The following RUBCN variants were observed in gnomAD, a reference collection of about 807,000 sequenced individuals.
The protein encoded by RUBCN is rubicon autophagy regulator, also known as run domain Beclin-1-interacting and cysteine-rich domain-containing protein.
RUBCN carries 74 observed loss-of-function variants against 113.2 expected under a neutral mutation model. The observed-to-expected ratio is 0.65, with a 90% CI of 0.54 to 0.79. The LOEUF (loss-of-function observed/expected upper bound fraction) is 0.79, where lower values mean the gene tolerates loss of function less well. Among genes scored for constraint, RUBCN ranks in the 30% least tolerant of loss-of-function variants. The pLI is 0.00. For synonymous variants in RUBCN, 480 were observed against 490.0 expected (o/e 0.98, Z 0.27); for missense variants, 1,109 against 1,251.7 (o/e 0.89, Z 1.72).
At chr3:197,701,967 G>T in intron 5 of RUBCN, 103 bp from the exon 6 acceptor site, 1 of 1,059,896 alleles carries the variant, frequency 9.4e-7, no homozygotes, top group Non-Finnish European at 1.4e-6. Flanking sequence ...AGCTACCTTT[G>T]CAGTAGGCCT....
chr3:197,702,406 T>C (rs1560436830), intron 5 of RUBCN, among the ~76,000 whole-genome samples: 1 of 152,240 alleles, frequency 6.6e-6, no homozygotes, highest in African/African-American at 2.4e-5. Flanking sequence ...CTCACACCTG[T>C]AATCCCAGCA....
chr3:197,712,861 CT>C (rs10662950), intron 2 of RUBCN, among the ~76,000 whole-genome samples: 98 of 146,784 alleles, frequency 6.7e-4, no homozygotes, highest in East Asian at 5.1e-3. Flanking sequence ...GATATTATCA[CT>C]TTTTTTTTTT....
chr3:197,700,561 T>C lies in RUBCN; in HGVS notation c.1261+52A>G, dbSNP rs543909773. 60 of 1,590,414 alleles carry C rather than the reference T, an allele frequency of 3.8e-5. 1 individual carries two copies. The Middle Eastern group carries it at 6.7e-4, about 18-fold the overall frequency. On this transcript the variant is annotated intron_variant, in intron 7 of 19. Coordinates refer to ENST00000296343, the MANE Select transcript of RUBCN (RefSeq NM_014687.4). ...AAAGTCCCCATAACAAGCCCTCTCTTACTCTCAATTCAGGGTCATCTTGCT... is the reference window on the plus strand; with the variant it reads ...AAAGTCCCCATAACAAGCCCTCTCTCACTCTCAATTCAGGGTCATCTTGCT...
chr3:197,680,573 T>C (rs537792469), intron 16 of RUBCN, among the ~76,000 whole-genome samples: 73 of 152,338 alleles, frequency 4.8e-4, no homozygotes, highest in Non-Finnish European at 9.6e-4. Context: ...AACTGACAAC[T>C]GGCTTCAGAC....
intron 16 of RUBCN, among the ~76,000 whole-genome samples, chr3:197,679,562 A>C (rs1202595074): frequency 1.4e-5 from 2 of 144,428 alleles, no homozygotes; most frequent in African/African-American, 5.3e-5. Context: ...AACTGGCTCC[A>C]GACTGTCCTA....
upstream of RUBCN, among the ~76,000 whole-genome samples, chr3:197,740,476 A>G (rs1728481989): frequency 2.6e-5 from 4 of 152,174 alleles, no homozygotes; most frequent in Admixed American, 1.3e-4. Flanking sequence ...CTTAAAAAAA[A>G]AGAAAAAGAA....
Position 197,701,012 on chromosome 3 carries a change from G to T in RUBCN, c.862C>A (p.Pro288Thr), listed in dbSNP as rs746852818. The T allele has an allele frequency of 8.1e-6, 13 of 1,614,068 alleles. No homozygotes were observed. Among genetic ancestry groups the T allele is most frequent in the Middle Eastern group, 3.3e-4 (2 of 6,084 alleles). The change falls in exon 7 of 20, where the codon CCT becomes ACT. Residue 288 changes from proline (P) to threonine (T), a missense_variant. Physicochemically the swap from Pro to Thr is conservative, Grantham distance 38. Transcript: ENST00000296343. The stretch of plus-strand genomic sequence containing the variant: ...GAGCTCATTTCATTTGGGGTCAAAG[G>T]GGAATCCCTGGCTAGTGCAGAGACT... ...VSVSALARDS[P>T]LTPNEMSSST...
chr3:197,729,897 T>A (rs28613953), intron 1 of RUBCN, among the ~76,000 whole-genome samples: 16,846 of 151,324 alleles, frequency 0.11, 1,151 homozygotes, highest in African/African-American at 0.18. Context: ...TATAGTAGCT[T>A]TGTTTCTGAA....
In RUBCN at chr3:197,700,839, A is replaced by G. The variant is rs980029998; in HGVS notation, c.1035T>C (p.Asn345=). 5.6e-6 allele frequency: 9 copies of G among 1,614,022 alleles called. No homozygotes were observed. The highest frequency in any genetic ancestry group is 7.6e-6 in the Non-Finnish European group (9 of 1,180,032). ...ACAAATTGGAACTGCTGCTCTCGGC[A>G]TTGCTGCTGTGACTCTGACAGCTGG... ...RTASCQSHSS[N]AESSSSNLFS... Residue 345 remains asparagine, a synonymous_variant, in exon 7 of 20, where the codon AAT becomes AAC. Transcript: ENST00000296343.
chr3:197,705,833 T>C (rs1724241528), intron 2 of RUBCN, among the ~76,000 whole-genome samples: 2 of 152,084 alleles, frequency 1.3e-5, no homozygotes, highest in African/African-American at 2.4e-5. Flanking sequence ...GCTGAGGCGA[T>C]TCTCATGCCT....
intron 2 of RUBCN, among the ~76,000 whole-genome samples, chr3:197,715,300 AAAAAAG>A (rs1454192044): frequency 5.0e-4 from 76 of 151,726 alleles, no homozygotes; most frequent in African/African-American, 1.8e-3. Context: ...GAAAAAAAAA[AAAAAAG>A]AAAAAGAAAA....
At chr3:197,700,530 A>G in intron 7 of RUBCN, 83 bp downstream of exon 7, 2 of 1,350,546 alleles carry the variant, frequency 1.5e-6, no homozygotes, top group Non-Finnish European at 2.1e-6. Context: ...TCTTTCTGCC[A>G]CCTGAAAAGT....
chr3:197,696,419 TC>T (rs1485748359), intron 8 of RUBCN, among the ~76,000 whole-genome samples: 1 of 151,408 alleles, frequency 6.6e-6, no homozygotes, highest in Non-Finnish European at 1.5e-5. Context: ...ACTCTTAGAA[TC>T]CCAGAGCACT....
chr3:197,729,014 A>T (rs1183597003), intron 1 of RUBCN, among the ~76,000 whole-genome samples: 1 of 151,978 alleles, frequency 6.6e-6, no homozygotes, highest in East Asian at 2.0e-4. Flanking sequence ...CTGTAATCCC[A>T]GCACTTTGGG....
chr3:197,686,745 T>C (rs1480048243), intron 11 of RUBCN, among the ~76,000 whole-genome samples: 2 of 152,218 alleles, frequency 1.3e-5, no homozygotes, highest in Admixed American at 6.5e-5. Context: ...CCAAGTGGAA[T>C]TTAACACAAT....
At chr3:197,749,578 AG>A in exon 1 of RUBCN, 1 of 1,283,764 alleles carries the variant, frequency 7.8e-7, no homozygotes, top group African/African-American at 1.5e-5. Context: ...ACCGAAGTAT[AG>A]GGGACCTGTC....
At chr3:197,739,307 C>G (rs1728407061), upstream of RUBCN, among the ~76,000 whole-genome samples, 1 of 149,530 alleles carries the variant, frequency 6.7e-6, no homozygotes, top group Admixed American at 6.6e-5. Flanking sequence ...AGGAGAATGG[C>G]TTGAACCCAG....
chr3:197,712,418 G>GT (rs1725056859), intron 2 of RUBCN, among the ~76,000 whole-genome samples: 1 of 152,186 alleles, frequency 6.6e-6, no homozygotes, highest in South Asian at 2.1e-4. Context: ...ATGAATCACT[G>GT]TATCAGCCCC....
At chr3:197,713,780 A>C (rs929154534) in intron 2 of RUBCN, among the ~76,000 whole-genome samples, 2 of 151,870 alleles carry the variant, frequency 1.3e-5, no homozygotes, top group African/African-American at 4.8e-5. Context: ...GAACTGCATT[A>C]AAAAAAATTC....
Sources: gnomAD v4.1 joint callset for allele counts (sites outside exome capture counted in the v4.1 genomes callset) on GRCh38, gnomAD v4.1.1 for gene constraint, MANE v1.5 for transcripts, NCBI Gene and HGNC (gene_info 2026-07-23, HGNC 2026-07-21) for gene names.